ADAMTS9: variants seen among roughly 807,000 people sequenced by gnomAD.
The protein encoded by ADAMTS9 is ADAM metallopeptidase with thrombospondin type 1 motif 9.
A neutral mutation model predicts 257.1 loss-of-function variants in ADAMTS9; 107 were observed. The ratio of observed to expected loss-of-function variants is 0.42; its 90% confidence interval spans 0.36 to 0.49. ADAMTS9 has a LOEUF of 0.49. Among genes scored for constraint, ADAMTS9 ranks in the 20% least tolerant of loss-of-function variants. The pLI is 0.03. For synonymous variants in ADAMTS9, 982 were observed against 880.9 expected (o/e 1.11, Z -2.03); for missense variants, 2,353 against 2,469.1 (o/e 0.95, Z 1.00).
At chr3:64,554,199 T>C (rs1451660941) in intron 30 of ADAMTS9, among the ~76,000 whole-genome samples, 4 of 152,214 alleles carry the variant, frequency 2.6e-5, no homozygotes, top group Non-Finnish European at 5.9e-5. Context: ...TACTTTATGC[T>C]TGTTAAGCGT....
chr3:64,604,375 A>T (rs1428181498), intron 23 of ADAMTS9, 44 bp from the exon 24 acceptor site: 1 of 1,380,914 alleles, frequency 7.2e-7, no homozygotes, highest in Non-Finnish European at 1.0e-6. Context: ...CTTTCAAGTC[A>T]ATGCACTTTC....
Position 64,654,614 on chromosome 3 carries a change from T to C in ADAMTS9, c.1170-2A>G. Reference sequence around the variant, plus strand: ...TCGTGAGCTCTGCAGATATCCTGTCTGAAAGCAAAGCAGACTTAGGCCTTG... The same window carrying C: ...TCGTGAGCTCTGCAGATATCCTGTCCGAAAGCAAAGCAGACTTAGGCCTTG... On this transcript the variant is annotated splice_acceptor_variant, in intron 6 of 39. Transcript: ENST00000498707. LOFTEE classifies it high-confidence loss of function. The C allele has an allele frequency of 6.2e-7, 1 of 1,614,160 alleles. No homozygotes were observed.
At chr3:64,518,724 C>T (rs2082812426) in intron 39 of ADAMTS9, among the ~76,000 whole-genome samples, 1 of 149,508 alleles carries the variant, frequency 6.7e-6, no homozygotes, top group Non-Finnish European at 1.5e-5. Flanking sequence ...TAGTGTAGGA[C>T]ACTCTGAGTT....
chr3:64,519,390 C>A (rs1445978786), intron 39 of ADAMTS9, among the ~76,000 whole-genome samples: 1 of 151,952 alleles, frequency 6.6e-6, no homozygotes, highest in Non-Finnish European at 1.5e-5. Context: ...TGGTACCAAT[C>A]CTATTGAAAC....
intron 30 of ADAMTS9, chr3:64,561,238 A>G (rs931594846): frequency 1.0e-5 from 2 of 196,364 alleles, no homozygotes; most frequent in Non-Finnish European, 2.1e-5. Flanking sequence ...CCAAATCTGG[A>G]GACACGTATT....
Position 64,641,220 on chromosome 3 carries a change from A to G in ADAMTS9, c.1856+628T>C, listed in dbSNP as rs559326138. 8.7e-5 allele frequency among the ~76,000 whole-genome samples: 13 copies of G among 150,128 alleles called. No individual in the cohort carries two copies. In the South Asian group the frequency reaches 2.3e-3, roughly 27 times the overall value. ...TTTTTTTGTTTCCATGTGAAAATCT[A>G]TCTAGTCACTCCATTAGTGTGCTAT... is the stretch of plus-strand genomic sequence containing the variant. On this transcript the variant is annotated intron_variant, in intron 12 of 39. Transcript: ENST00000498707.
chr3:64,616,977 T>A (rs1699956999), intron 19 of ADAMTS9, among the ~76,000 whole-genome samples: 1 of 152,174 alleles, frequency 6.6e-6, no homozygotes, highest in East Asian at 1.9e-4. Context: ...GGCCTCATGC[T>A]TATCTTGGAA....
chr3:64,563,751 T>C (rs2083470777), intron 29 of ADAMTS9, among the ~76,000 whole-genome samples: 1 of 152,242 alleles, frequency 6.6e-6, no homozygotes, highest in Non-Finnish European at 1.5e-5. Context: ...AAAGCCAGCT[T>C]TGAAATACCA....
intron 11 of ADAMTS9, among the ~76,000 whole-genome samples, chr3:64,644,625 G>A (rs1700738744): frequency 3.3e-5 from 5 of 152,190 alleles, no homozygotes; most frequent in Non-Finnish European, 7.3e-5. Context: ...GAACTCTTTG[G>A]CTTCATTCTG....
rs141677877 is a variant in ADAMTS9, at chr3:64,658,674, A to G, written c.797T>C (p.Phe266Ser). 3 of 1,614,002 alleles carry G rather than the reference A, an allele frequency of 1.9e-6. No homozygotes were observed. In the East Asian group the frequency reaches 6.7e-5, roughly 36 times the overall value. ...ALNSGLATEAFSAYGNKTDNT... is the reference protein window; with the variant it reads ...ALNSGLATEASSAYGNKTDNT... Reference sequence around the variant, plus strand: ...GTCCGTCTTATTACCATAAGCAGAAAATGCCTCTGTTGCTAAGCCGCTGTT... The same window carrying G: ...GTCCGTCTTATTACCATAAGCAGAAGATGCCTCTGTTGCTAAGCCGCTGTT... The change falls in exon 4 of 40, where the codon TTT becomes TCT. Residue 266 changes from phenylalanine (F) to serine (S), a missense_variant. Around this residue, in one of 3 missense-constraint regions of ADAMTS9, gnomAD observed 591 missense variants for 569.6 expected, o/e 1.04. Coordinates refer to ENST00000498707, the MANE Select transcript of ADAMTS9 (RefSeq NM_182920.2).
intron 12 of ADAMTS9, among the ~76,000 whole-genome samples, chr3:64,637,002 T>C (rs1411245677): frequency 6.6e-6 from 1 of 152,204 alleles, no homozygotes; most frequent in East Asian, 1.9e-4. Flanking sequence ...CTGGCCTCTC[T>C]TCCAGGCTGT....
At chr3:64,603,425 A>AG (rs1378347358) in intron 25 of ADAMTS9, among the ~76,000 whole-genome samples, 2 of 151,868 alleles carry the variant, frequency 1.3e-5, no homozygotes, top group African/African-American at 4.8e-5. Context: ...CTTGTAAAAA[A>AG]ACCCATAGAT....
At chr3:64,553,030 C>CT (rs796880612) in intron 30 of ADAMTS9, among the ~76,000 whole-genome samples, 2,648 of 147,010 alleles carry the variant, frequency 0.018, 52 homozygotes, top group African/African-American at 0.055. Flanking sequence ...TGCCCTATGT[C>CT]TTTTTTTTTT....
Position 64,568,425 on chromosome 3 carries a change from C to A in ADAMTS9, c.4467G>T (p.Gly1489=). 6.2e-7 allele frequency: 1 copy of A among 1,613,804 alleles called. No individual in the cohort carries two copies. Residue 1489 remains glycine (G), a synonymous_variant, in exon 29 of 40, where the codon GGG becomes GGT. Coordinates refer to ENST00000498707, the MANE Select transcript of ADAMTS9 (RefSeq NM_182920.2). ...DYCKHLAKPH[G]HRKCRGGRCP... ...ATCTTCCTCCTCGGCACTTTCTGTG[C>A]CCATGTGGCTTAGCCAGGTGCTTAC...
At chr3:64,606,936 C>T in intron 23 of ADAMTS9, 24 bp downstream of exon 23, 1 of 1,612,390 alleles carries the variant, frequency 6.2e-7, no homozygotes, top group Non-Finnish European at 8.5e-7. Context: ...AAGTCAATAA[C>T]TGAGTTGGAC....
chr3:64,681,179 C>T (rs770763041), intron 3 of ADAMTS9, 22 bp downstream of exon 3: 18 of 1,604,048 alleles, frequency 1.1e-5, no homozygotes, highest in East Asian at 1.1e-4. Flanking sequence ...CTGGGCTCTC[C>T]GCTTAAGCAA....
intron 30 of ADAMTS9, among the ~76,000 whole-genome samples, chr3:64,559,668 T>G (rs1341975405): frequency 6.6e-6 from 1 of 152,204 alleles, no homozygotes; most frequent in Non-Finnish European, 1.5e-5. Flanking sequence ...GCACGACACA[T>G]GCAAAGAAGT....
chr3:64,666,048 A>G (rs1330985775), intron 3 of ADAMTS9, among the ~76,000 whole-genome samples: 2 of 152,210 alleles, frequency 1.3e-5, no homozygotes, highest in Non-Finnish European at 2.9e-5. Context: ...CGTGGGTCCA[A>G]TCTTTTAAAA....
chr3:64,621,003 C>T (rs1199963183), intron 19 of ADAMTS9, 111 bp downstream of exon 19: 3 of 1,347,696 alleles, frequency 2.2e-6, no homozygotes, highest in African/African-American at 1.5e-5. Context: ...CACTGAAACA[C>T]AAGAAAGGGG....
Sources: allele counts gnomAD v4.1 joint callset (sites outside exome capture counted in the v4.1 genomes callset), GRCh38; gene constraint gnomAD v4.1.1; regional missense constraint gnomAD v4.1.1; transcripts MANE v1.5; gene names NCBI Gene and HGNC (gene_info 2026-07-23, HGNC 2026-07-21).